Variants in AKAP19 observed in about 807,000 individuals in gnomAD.
AKAP19 encodes the protein small A-kinase anchoring protein.
chr2:190,045,533 T>C, the AKAP19 span, among the ~76,000 whole-genome samples: 1 of 152,064 alleles, frequency 6.6e-6, no homozygotes, highest in African/African-American at 2.4e-5. Context: ...CTGTGTTGTG[T>C]TGGGGGATCC....
chr2:190,149,231 G>A, the AKAP19 span, among the ~76,000 whole-genome samples: 3 of 152,102 alleles, frequency 2.0e-5, no homozygotes, highest in Non-Finnish European at 2.9e-5. Context: ...CCAAAGTGCT[G>A]GGATTACAGG....
chr2:190,058,578 A>C, the AKAP19 span, among the ~76,000 whole-genome samples: 2 of 151,980 alleles, frequency 1.3e-5, no homozygotes, highest in Non-Finnish European at 2.9e-5. Context: ...AGCATAATTC[A>C]CAGTTGTAAA....
chr2:189,881,750 TAGAA>T, the AKAP19 span, among the ~76,000 whole-genome samples: 2 of 152,030 alleles, frequency 1.3e-5, no homozygotes, highest in African/African-American at 4.8e-5. Context: ...GCCTGCAAAA[TAGAA>T]AGATTAGAAT....
the AKAP19 span, among the ~76,000 whole-genome samples, chr2:190,113,838 C>T: frequency 3.9e-5 from 6 of 152,152 alleles, no homozygotes; most frequent in Non-Finnish European, 7.3e-5. Flanking sequence ...CAGTCCCCTA[C>T]CCCTGTTCCT....
At chr2:189,923,684 C>T in the AKAP19 span, 12 of 1,613,854 alleles carry the variant, frequency 7.4e-6, no homozygotes, top group Non-Finnish European at 8.5e-6. Context: ...TGACTTTCAA[C>T]GGGACTATTA....
the AKAP19 span, among the ~76,000 whole-genome samples, chr2:189,949,883 A>G: frequency 4.0e-5 from 6 of 149,800 alleles, no homozygotes; most frequent in African/African-American, 1.5e-4. Context: ...ACCTGCCTCG[A>G]CCTCCCAAAG....
At chr2:190,024,553 T>A in the AKAP19 span, among the ~76,000 whole-genome samples, 2 of 152,034 alleles carry the variant, frequency 1.3e-5, no homozygotes, top group Non-Finnish European at 2.9e-5. Context: ...CTAGGCTGCA[T>A]GTCCTAAGAG....
At chr2:190,032,617 G>T in the AKAP19 span, among the ~76,000 whole-genome samples, 8 of 152,084 alleles carry the variant, frequency 5.3e-5, no homozygotes, top group African/African-American at 1.9e-4. Context: ...TAGCAGAAAA[G>T]TGTGTTCGGT....
At chr2:190,040,689 G>T in the AKAP19 span, among the ~76,000 whole-genome samples, 2 of 152,062 alleles carry the variant, frequency 1.3e-5, no homozygotes, top group African/African-American at 4.8e-5. Context: ...ATTTTGTATT[G>T]ATTTTTGTAT....
At chr2:190,152,920 A>G in the AKAP19 span, among the ~76,000 whole-genome samples, 2 of 146,896 alleles carry the variant, frequency 1.4e-5, no homozygotes, top group South Asian at 4.2e-4. Context: ...TTTTGAGACG[A>G]AGTCTCACTC....
At chr2:190,028,832 A>C in the AKAP19 span, among the ~76,000 whole-genome samples, 1 of 152,220 alleles carries the variant, frequency 6.6e-6, no homozygotes, top group African/African-American at 2.4e-5. Context: ...AAGATTCAAA[A>C]TACTTGATTA....
chr2:190,013,377 C>G, the AKAP19 span, among the ~76,000 whole-genome samples: 1 of 152,004 alleles, frequency 6.6e-6, no homozygotes, highest in Admixed American at 6.6e-5. Flanking sequence ...TCTTGATTAT[C>G]CAATTTATTG....
the AKAP19 span, among the ~76,000 whole-genome samples, chr2:190,162,936 G>T: frequency 5.9e-5 from 9 of 152,114 alleles, no homozygotes; most frequent in African/African-American, 2.2e-4. Flanking sequence ...CAAAAGAAAA[G>T]AATAAAAGTT....
the AKAP19 span, chr2:190,189,769 C>A: frequency 1.3e-5 from 2 of 152,318 alleles, no homozygotes; most frequent in African/African-American, 4.8e-5. Context: ...TTATTGCCAT[C>A]ATTCTAAATC....
chr2:189,909,375 CTT>C, the AKAP19 span, among the ~76,000 whole-genome samples: 19 of 151,828 alleles, frequency 1.3e-4, no homozygotes, highest in African/African-American at 4.1e-4. Flanking sequence ...TTGATAAAGA[CTT>C]ATTGTTTATC....
chr2:190,190,318 C>A, the AKAP19 span, among the ~76,000 whole-genome samples: 1 of 152,044 alleles, frequency 6.6e-6, no homozygotes, highest in Non-Finnish European at 1.5e-5. Context: ...AAATATGATC[C>A]ATCTTTTTTA....
chr2:189,957,290 G>A, the AKAP19 span, among the ~76,000 whole-genome samples: 10 of 152,256 alleles, frequency 6.6e-5, no homozygotes, highest in South Asian at 1.7e-3. Context: ...TCTTACTTCC[G>A]TTACATAGAA....
chr2:189,922,877 C>T, the AKAP19 span, among the ~76,000 whole-genome samples: 13 of 152,164 alleles, frequency 8.5e-5, no homozygotes, highest in East Asian at 1.9e-4. Context: ...CTACTGGGTG[C>T]GGTGGCTCAT....
chr2:190,155,711 AAG>A, the AKAP19 span, among the ~76,000 whole-genome samples: 1 of 152,172 alleles, frequency 6.6e-6, no homozygotes, highest in Non-Finnish European at 1.5e-5. Flanking sequence ...TCTAGTGAGA[AAG>A]AGAGTAGCTT....
Sources: gnomAD v4.1 joint callset for allele counts (sites outside exome capture counted in the v4.1 genomes callset) on GRCh38, gnomAD v4.1.1 for gene constraint, MANE v1.5 for transcripts, NCBI Gene and HGNC (gene_info 2026-07-23, HGNC 2026-07-21) for gene names.